Variants in FMR1NB observed in about 807,000 individuals in gnomAD.
FMR1NB encodes the protein FMR1 neighbor, also known as FMR1 neighbor protein.
FMR1NB carries 10 observed loss-of-function variants against 16.8 expected under a neutral mutation model. The ratio of observed to expected loss-of-function variants is 0.60; its 90% CI spans 0.37 to 1.01. The LOEUF (loss-of-function observed/expected upper bound fraction) is 1.01, where lower values mean the gene tolerates loss of function less well. FMR1NB is among the 50% of genes least tolerant of loss of function. The pLI, the probability that FMR1NB is intolerant of heterozygous loss-of-function variation, is 0.01. For missense variants in FMR1NB, 205 were observed against 204.8 expected (o/e 1.00, Z 0.00); for synonymous variants, 83 against 79.1 (o/e 1.05, Z -0.26).
In FMR1NB at chrX:148,009,651, C is replaced by T. The variant is rs149308654; in HGVS notation, c.632+940C>T. ...GGAAGCACTCACTCTCAGGTTTGTGCGCGTGCAAGGTCAGCATTGTCACTA... is the reference window on the plus strand; with the variant it reads ...GGAAGCACTCACTCTCAGGTTTGTGTGCGTGCAAGGTCAGCATTGTCACTA... On this transcript the variant is annotated intron_variant, in intron 4 of 5. Transcript: ENST00000370467. 1.8e-3 allele frequency among the ~76,000 whole-genome samples: 196 copies of T among 110,407 alleles called. 1 individual carries two copies. The highest frequency in any genetic ancestry group is 6.3e-3 in the African/African-American group (192 of 30,359).
Position 148,003,202 on chromosome X carries a change from G to T in FMR1NB, c.279G>T (p.Gly93=), listed in dbSNP as rs2044579538. 1 of 1,205,149 alleles carries T rather than the reference G, an allele frequency of 8.3e-7. No homozygotes were observed. Among genetic ancestry groups the T allele is most frequent in the Non-Finnish European group, 1.1e-6 (1 of 892,380 alleles). Residue 93 remains glycine (G), a splice_region_variant and synonymous_variant, in exon 2 of 6, where the codon GGG becomes GGT. Coordinates refer to ENST00000370467, the MANE Select transcript of FMR1NB (RefSeq NM_152578.3). The part of the protein sequence containing the change: ...CYYLSYYLCS[G]SSYFVLANGH... ...TTAATAATTTTACTTCTTCTTAAGG[G>T]TCCTCATATTTTGTGCTTGCAAATG...
chrX:147,985,192 A>G, intron 1 of FMR1NB, among the ~76,000 whole-genome samples: 1 of 111,892 alleles, frequency 8.9e-6, no homozygotes, highest in Non-Finnish European at 1.9e-5. Flanking sequence ...AGAATGAGTT[A>G]AGAAGTATTG....
intron 4 of FMR1NB, among the ~76,000 whole-genome samples, chrX:148,022,630 C>T (rs1412637859): frequency 1.8e-5 from 2 of 111,203 alleles, no homozygotes; most frequent in Non-Finnish European, 1.9e-5. Context: ...CATTTCACTC[C>T]TACTCTCTCC....
Position 148,003,191 on chromosome X carries a change from T to A in FMR1NB, c.278-10T>A, listed in dbSNP as rs781939902. 1.6e-5 allele frequency: 19 copies of A among 1,201,104 alleles called. No homozygotes were observed. The highest frequency in any genetic ancestry group is 3.0e-5 in the East Asian group (1 of 33,686). Reference sequence around the variant, plus strand: ...ATATGTTGGGATTAATAATTTTACTTCTTCTTAAGGGTCCTCATATTTTGT... The same window carrying A: ...ATATGTTGGGATTAATAATTTTACTACTTCTTAAGGGTCCTCATATTTTGT... On this transcript the variant is annotated splice_polypyrimidine_tract_variant and intron_variant, in intron 1 of 5. Transcript: ENST00000370467.
intron 4 of FMR1NB, among the ~76,000 whole-genome samples, chrX:148,011,320 G>A (rs1557189602): frequency 9.0e-6 from 1 of 111,053 alleles, no homozygotes; most frequent in Non-Finnish European, 1.9e-5. Context: ...GTTGGTGGGA[G>A]AACTAAAAGC....
Position 148,026,627 on chromosome X carries a change from A to C in FMR1NB, c.*139A>C, listed in dbSNP as rs2044704922. The C allele has an allele frequency of 8.9e-6, 1 of 111,886 alleles. No homozygotes were observed. Among genetic ancestry groups the C allele is most frequent in the Non-Finnish European group, 1.9e-5 (1 of 53,141 alleles). 9.2% of individuals were successfully genotyped at this position (111,886 alleles called of 1,213,427 possible). The stretch of plus-strand genomic sequence containing the variant: ...CTTATTTTTGTCATGTTTACTTTCA[A>C]ACATGAAATAAAATTGAGTTCTGTT... On this transcript the variant is annotated 3_prime_UTR_variant, in exon 6 of 6. Transcript: ENST00000370467.
At chrX:147,994,017 A>G (rs2044528868) in intron 1 of FMR1NB, among the ~76,000 whole-genome samples, 1 of 111,001 alleles carries the variant, frequency 9.0e-6, no homozygotes, top group South Asian at 3.8e-4. Flanking sequence ...AGCTTTCTCA[A>G]TATTACCCAT....
At chrX:147,997,477 A>C (rs1288483872) in intron 1 of FMR1NB, among the ~76,000 whole-genome samples, 1 of 112,528 alleles carries the variant, frequency 8.9e-6, no homozygotes, top group Non-Finnish European at 1.9e-5. Context: ...TTAAACACTT[A>C]TGTGTAAGAC....
At chrX:147,986,814 G>T (rs1485732942) in intron 1 of FMR1NB, among the ~76,000 whole-genome samples, 1 of 111,397 alleles carries the variant, frequency 9.0e-6, no homozygotes, top group African/African-American at 3.3e-5. Context: ...CTCTTTTTTG[G>T]TTCCATATGA....
intron 1 of FMR1NB, among the ~76,000 whole-genome samples, chrX:147,995,526 T>G (rs1303668842): frequency 8.9e-6 from 1 of 111,876 alleles, no homozygotes; most frequent in Non-Finnish European, 1.9e-5. Context: ...ACCAGTGGCA[T>G]ACAGGATAAG....
intron 4 of FMR1NB, among the ~76,000 whole-genome samples, chrX:148,022,057 G>T (rs1239268818): frequency 9.0e-6 from 1 of 110,961 alleles, no homozygotes; most frequent in South Asian, 3.8e-4. Flanking sequence ...TCCCACAACT[G>T]TGTGGATCTG....
At chrX:148,013,961 G>T (rs782466515) in intron 4 of FMR1NB, among the ~76,000 whole-genome samples, 57 of 111,099 alleles carry the variant, frequency 5.1e-4, no homozygotes, top group Non-Finnish European at 9.6e-4. Context: ...ATTGTGTTCT[G>T]TTTTGTTTTG....
intron 1 of FMR1NB, among the ~76,000 whole-genome samples, chrX:147,999,456 A>G (rs1446041337): frequency 2.7e-5 from 3 of 111,683 alleles, no homozygotes; most frequent in African/African-American, 9.8e-5. Flanking sequence ...AAATGTGCCT[A>G]GCAACATTAA....
chrX:148,014,131 T>G (rs1393450941), intron 4 of FMR1NB, among the ~76,000 whole-genome samples: 2 of 111,176 alleles, frequency 1.8e-5, no homozygotes, highest in Non-Finnish European at 3.8e-5. Flanking sequence ...GTTTCAGAGC[T>G]GAGAGGTCAT....
chrX:148,013,331 T>A (rs1383499582), intron 4 of FMR1NB, among the ~76,000 whole-genome samples: 1 of 111,512 alleles, frequency 9.0e-6, no homozygotes, highest in African/African-American at 3.3e-5. Flanking sequence ...TCCCATTTAA[T>A]TTGATCTTTT....
intron 2 of FMR1NB, among the ~76,000 whole-genome samples, chrX:148,005,466 G>A (rs2044591733): frequency 9.0e-6 from 1 of 110,992 alleles, no homozygotes; most frequent in African/African-American, 3.3e-5. Flanking sequence ...TCCAACCTAG[G>A]GGAGAAGAGC....
chrX:148,008,259 G>A (rs1188792248), intron 3 of FMR1NB: 6 of 146,342 alleles, frequency 4.1e-5, no homozygotes, highest in Non-Finnish European at 8.0e-5. Context: ...ATAGATTAAT[G>A]TGCTCCCCAA....
intron 5 of FMR1NB, among the ~76,000 whole-genome samples, chrX:148,026,198 A>T (rs1351600123): frequency 9.0e-6 from 1 of 111,149 alleles, no homozygotes; most frequent in African/African-American, 3.3e-5. Context: ...ACATATATAC[A>T]TATGTAACAT....
chrX:148,010,844 T>C (rs2044620199), intron 4 of FMR1NB, among the ~76,000 whole-genome samples: 2 of 111,134 alleles, frequency 1.8e-5, no homozygotes, highest in Non-Finnish European at 3.8e-5. Flanking sequence ...ATTAAATAAC[T>C]GAGAATTCCT....
Sources: gnomAD v4.1 joint callset for allele counts (sites outside exome capture counted in the v4.1 genomes callset) on GRCh38, gnomAD v4.1.1 for gene constraint, MANE v1.5 for transcripts, NCBI Gene and HGNC (gene_info 2026-07-23, HGNC 2026-07-21) for gene names.